DPYD: variants seen among roughly 807,000 people sequenced by gnomAD.
DPYD encodes the protein dihydropyrimidine dehydrogenase [NADP(+)].
In DPYD, 109 loss-of-function variants were observed where a neutral mutation model predicts 116.2. That is an observed-to-expected ratio of 0.94 (90% CI 0.80 to 1.10). DPYD has a LOEUF of 1.10. Among genes scored for constraint, DPYD ranks in the 50% least tolerant of loss-of-function variants. The pLI is 0.00. For synonymous variants in DPYD, 440 were observed against 432.0 expected, an observed-to-expected ratio of 1.02 and a Z score of -0.23; for missense variants, 1,302 against 1,254.5, an observed-to-expected ratio of 1.04 and a Z score of -0.57.
Position 97,848,608 on chromosome 1 carries a change from G to C in DPYD, c.151-20412C>G, listed in dbSNP as rs148277310. 2.2e-3 allele frequency among the ~76,000 whole-genome samples: 331 copies of C among 152,188 alleles called. 2 individuals carry two copies. Among genetic ancestry groups the C allele is most frequent in the African/African-American group, 7.7e-3 (319 of 41,514 alleles). ...TGCGTATCTAGCATGAAAATATCAA[G>C]CACAATTATTATATACAATAATGCT... On this transcript the variant is annotated intron_variant, in intron 2 of 22. Transcript: ENST00000370192.
intron 14 of DPYD, among the ~76,000 whole-genome samples, chr1:97,437,375 A>T (rs1420481976): frequency 6.6e-6 from 1 of 151,686 alleles, no homozygotes; most frequent in Non-Finnish European, 1.5e-5. Context: ...TGTGTATAAT[A>T]GTTCATTCTT....
intron 20 of DPYD, among the ~76,000 whole-genome samples, chr1:97,155,783 T>C (rs1187603390): frequency 6.6e-6 from 1 of 152,184 alleles, no homozygotes; most frequent in Non-Finnish European, 1.5e-5. Context: ...CAACTACAAA[T>C]TTCCTTAGTG....
At chr1:97,637,221 T>C (rs1438973265) in intron 8 of DPYD, among the ~76,000 whole-genome samples, 1 of 152,030 alleles carries the variant, frequency 6.6e-6, no homozygotes. Context: ...ACCTCATAAA[T>C]GAACATTATC....
rs1006193955 is a variant in DPYD at position 97,236,146 on chromosome 1, G to A, written c.2300-1152C>T. Among the ~76,000 whole-genome samples the A allele has an allele frequency of 2.4e-4, 37 of 152,106 alleles. 1 individual carries two copies. Among genetic ancestry groups the A allele is most frequent in the Non-Finnish European group, 8.8e-5 (6 of 68,014 alleles). ...TGATATTCCTGGTGTTCCCTTATAA[G>A]TCAGGGGTCCTTTAAGCATTTTCTG... On this transcript the variant is annotated intron_variant, in intron 18 of 22. Coordinates refer to ENST00000370192, the MANE Select transcript of DPYD (RefSeq NM_000110.4).
chr1:97,553,298 C>A (rs774898994), intron 11 of DPYD, among the ~76,000 whole-genome samples: 2 of 151,896 alleles, frequency 1.3e-5, no homozygotes, highest in African/African-American at 2.4e-5. Flanking sequence ...ATTATTTAAT[C>A]ATTTTCTTAA....
chr1:97,309,387 T>C (rs1667361124), intron 16 of DPYD, among the ~76,000 whole-genome samples: 1 of 150,920 alleles, frequency 6.6e-6, no homozygotes. Context: ...CAATACCTGT[T>C]AACCCTTTTG....
intron 16 of DPYD, among the ~76,000 whole-genome samples, chr1:97,337,758 C>A (rs1669377540): frequency 6.6e-6 from 1 of 151,542 alleles, no homozygotes; most frequent in Non-Finnish European, 1.5e-5. Context: ...TCCAGAGACA[C>A]TTTAAGTCTG....
intron 8 of DPYD, among the ~76,000 whole-genome samples, chr1:97,604,348 T>C (rs1228246729): frequency 6.6e-6 from 1 of 152,122 alleles, no homozygotes; most frequent in East Asian, 1.9e-4. Context: ...AAGCATAAAA[T>C]AGCTCTGTCA....
At chr1:97,900,748 A>T (rs1673328472) in intron 1 of DPYD, among the ~76,000 whole-genome samples, 1 of 151,812 alleles carries the variant, frequency 6.6e-6, no homozygotes, top group Non-Finnish European at 1.5e-5. Context: ...TCCTTTGCAA[A>T]CTGTTTTTTG....
At chr1:97,842,768 T>C (rs1670099999) in intron 2 of DPYD, among the ~76,000 whole-genome samples, 1 of 152,090 alleles carries the variant, frequency 6.6e-6, no homozygotes, top group Non-Finnish European at 1.5e-5. Context: ...GAATTGACAC[T>C]AGTGCCTATT....
At chr1:97,772,178 A>G (rs1666178218) in intron 3 of DPYD, among the ~76,000 whole-genome samples, 1 of 152,270 alleles carries the variant, frequency 6.6e-6, no homozygotes, top group East Asian at 1.9e-4. Context: ...AATGGAGAAA[A>G]TAAGACAAGA....
chr1:97,656,826 T>A (rs990265867), intron 8 of DPYD, among the ~76,000 whole-genome samples: 5 of 152,026 alleles, frequency 3.3e-5, no homozygotes, highest in South Asian at 2.1e-4. Context: ...TTATTTTTTT[T>A]TTTTTCAAAA....
chr1:97,366,243 A>C (rs1193690059), intron 16 of DPYD, among the ~76,000 whole-genome samples: 1 of 152,206 alleles, frequency 6.6e-6, no homozygotes, highest in African/African-American at 2.4e-5. Flanking sequence ...AAATCAAATA[A>C]AAAGTTGGGC....
intron 3 of DPYD, among the ~76,000 whole-genome samples, chr1:97,826,300 T>C (rs1487063926): frequency 1.3e-5 from 2 of 152,234 alleles, no homozygotes; most frequent in Non-Finnish European, 1.5e-5. Flanking sequence ...TTAATTCTTA[T>C]AATTCAATTT....
intron 11 of DPYD, among the ~76,000 whole-genome samples, chr1:97,568,928 C>G (rs1270266105): frequency 7.3e-6 from 1 of 136,452 alleles, no homozygotes; most frequent in African/African-American, 2.6e-5. Flanking sequence ...AAAATAGATT[C>G]CGGAAGATCA....
intron 22 of DPYD, among the ~76,000 whole-genome samples, chr1:97,080,255 C>T (rs542348758): frequency 5.2e-4 from 79 of 152,162 alleles, no homozygotes; most frequent in African/African-American, 1.9e-3. Flanking sequence ...TCTCCACCCC[C>T]ATGGTACCCC....
intron 20 of DPYD, among the ~76,000 whole-genome samples, chr1:97,119,866 G>A (rs1479896546): frequency 6.6e-6 from 1 of 152,170 alleles, no homozygotes; most frequent in African/African-American, 2.4e-5. Flanking sequence ...CTGAAGCTGA[G>A]GGAGCAGTTT....
At chr1:97,460,650 T>C (rs191988638) in intron 13 of DPYD, among the ~76,000 whole-genome samples, 39 of 152,272 alleles carry the variant, frequency 2.6e-4, no homozygotes, top group African/African-American at 8.9e-4. Context: ...AAGTTTCTTT[T>C]ATCTGACTAA....
chr1:97,851,427 T>C (rs993742636), intron 2 of DPYD, among the ~76,000 whole-genome samples: 1 of 151,896 alleles, frequency 6.6e-6, no homozygotes, highest in African/African-American at 2.4e-5. Context: ...TTAAATCTCC[T>C]AGATGCACAT....
Sources: gnomAD v4.1 joint callset for allele counts (sites outside exome capture counted in the v4.1 genomes callset) on GRCh38, gnomAD v4.1.1 for gene constraint, MANE v1.5 for transcripts, NCBI Gene and HGNC (gene_info 2026-07-23, HGNC 2026-07-21) for gene names.